The following FRMPD2 variants were observed in gnomAD, a reference collection of about 807,000 sequenced individuals.
FRMPD2 encodes FERM and PDZ domain-containing protein 2.
FRMPD2 carries 96 observed loss-of-function variants against 140.1 expected under a neutral mutation model. The ratio of observed to expected loss-of-function variants is 0.69; its 90% CI spans 0.58 to 0.81. The LOEUF (loss-of-function observed/expected upper bound fraction) is 0.81. Ranked by LOEUF, FRMPD2 falls within the 40% of genes least tolerant of loss-of-function variation. The pLI, the probability that FRMPD2 is intolerant of heterozygous loss-of-function variation, is 0.00. For synonymous variants in FRMPD2, 449 were observed against 547.6 expected (o/e 0.82, Z 2.52); for missense variants, 1,240 against 1,447.4 (o/e 0.86, Z 2.32).
At chr10:48,209,324 C>T (rs1002135048) in intron 13 of FRMPD2, among the ~76,000 whole-genome samples, 2 of 152,168 alleles carry the variant, frequency 1.3e-5, no homozygotes, top group African/African-American at 4.8e-5. Flanking sequence ...GTTAGGAAAA[C>T]ACTGAATTCA....
At chr10:48,268,401 A>G (rs1817387399) in intron 1 of FRMPD2, among the ~76,000 whole-genome samples, 1 of 152,052 alleles carries the variant, frequency 6.6e-6, no homozygotes, top group South Asian at 2.1e-4. Context: ...CACTTATCCC[A>G]GAGGAAAAAA....
chr10:48,181,574 G>T (rs1838548132), intron 20 of FRMPD2, among the ~76,000 whole-genome samples: 1 of 152,166 alleles, frequency 6.6e-6, no homozygotes, highest in South Asian at 2.1e-4. Flanking sequence ...GCAGGCCCCT[G>T]TGAGTGAAAG....
At chr10:48,253,661 C>A (rs1840434113) in intron 1 of FRMPD2, among the ~76,000 whole-genome samples, 1 of 151,974 alleles carries the variant, frequency 6.6e-6, no homozygotes, top group African/African-American at 2.4e-5. Flanking sequence ...AAAAATTGTG[C>A]AAATTTGTTG....
intron 20 of FRMPD2, among the ~76,000 whole-genome samples, chr10:48,183,505 GA>G (rs1409122703): frequency 6.6e-6 from 1 of 152,118 alleles, no homozygotes; most frequent in Non-Finnish European, 1.5e-5. Flanking sequence ...TCTTTAGGTT[GA>G]TCAGGAACAT....
At chr10:48,267,747 C>T (rs888709193) in intron 1 of FRMPD2, among the ~76,000 whole-genome samples, 3 of 152,066 alleles carry the variant, frequency 2.0e-5, no homozygotes, top group African/African-American at 7.2e-5. Flanking sequence ...AACTCAGTGT[C>T]GATCAAGGGA....
intron 15 of FRMPD2, among the ~76,000 whole-genome samples, chr10:48,195,200 C>A (rs1293782637): frequency 1.3e-5 from 2 of 152,242 alleles, no homozygotes; most frequent in Non-Finnish European, 2.9e-5. Context: ...GAGACCAACC[C>A]TGTAGCCCCC....
In FRMPD2 at chr10:48,225,098, G is replaced by A. The variant is rs114424257; in HGVS notation, c.1169-1828C>T. ...AAATAGAGGAACACTGAGATATGAC[G>A]CCTAAGCCAGATGGGCTGGGAGGGA... On this transcript the variant is annotated intron_variant, in intron 10 of 28. Coordinates refer to ENST00000374201, the MANE Select transcript of FRMPD2 (RefSeq NM_001018071.4). 5.0e-3 allele frequency among the ~76,000 whole-genome samples: 756 copies of A among 152,298 alleles called. 4 individuals are homozygous for A. Among genetic ancestry groups the A allele is most frequent in the African/African-American group, 0.017 (712 of 41,566 alleles).
At chr10:48,185,702 A>T in intron 17 of FRMPD2, 57 bp from the exon 18 acceptor site, 1 of 1,308,434 alleles carries the variant, frequency 7.6e-7, no homozygotes, top group Non-Finnish European at 1.1e-6. Context: ...TTTGGGAGCT[A>T]ATACAAAAGG....
intron 4 of FRMPD2, among the ~76,000 whole-genome samples, 178 bp downstream of exon 4, chr10:48,244,606 T>A (rs1840202090): frequency 6.6e-6 from 1 of 152,148 alleles, no homozygotes; most frequent in Non-Finnish European, 1.5e-5. Context: ...GATTCTGAGG[T>A]TGTTTCTGCA....
At chr10:48,243,089 T>C (rs959695445) in intron 4 of FRMPD2, among the ~76,000 whole-genome samples, 2 of 152,220 alleles carry the variant, frequency 1.3e-5, no homozygotes, top group Non-Finnish European at 2.9e-5. Flanking sequence ...CCTATCTCTG[T>C]GTACAGCCAA....
intron 20 of FRMPD2, among the ~76,000 whole-genome samples, chr10:48,182,934 G>A (rs569170035): frequency 2.8e-4 from 43 of 152,308 alleles, no homozygotes; most frequent in African/African-American, 1.0e-3. Context: ...AGTGGTGCTG[G>A]GAAATCCAAC....
At chr10:48,254,643 C>G (rs1399122817) in intron 1 of FRMPD2, among the ~76,000 whole-genome samples, 2 of 152,256 alleles carry the variant, frequency 1.3e-5, no homozygotes, top group Admixed American at 6.5e-5. Context: ...ATAGCATTTA[C>G]TGTACGCCAG....
At position 48,178,105 on chromosome 10, in the gene FRMPD2, C is replaced by T; in HGVS notation, c.2837G>A (p.Gly946Asp). The T allele has an allele frequency of 6.2e-7, 1 of 1,601,032 alleles. No individual in the cohort carries two copies. Among genetic ancestry groups the T allele is most frequent in the Non-Finnish European group, 8.5e-7 (1 of 1,170,190 alleles). ...CPPSPPEISA[G>D]EIYFVELVKE... ...AACCAGTTCCACAAAGTAGATTTCACCAGCACTGATTTCTGGAGGTGATGG... is the reference window on the plus strand; with the variant it reads ...AACCAGTTCCACAAAGTAGATTTCATCAGCACTGATTTCTGGAGGTGATGG... The change falls in exon 22 of 29, where the codon GGT becomes GAT. Residue 946 changes from glycine to aspartate, a missense_variant. Transcript: ENST00000374201.
chr10:48,202,166 T>C (rs1284854701), intron 14 of FRMPD2, among the ~76,000 whole-genome samples: 1 of 152,146 alleles, frequency 6.6e-6, no homozygotes, highest in Non-Finnish European at 1.5e-5. Flanking sequence ...ATAAAATATA[T>C]AGGTGATATT....
At chr10:48,175,699 G>T (rs548201577) in intron 23 of FRMPD2, 147 bp downstream of exon 23, 40 of 676,146 alleles carry the variant, frequency 5.9e-5, no homozygotes, top group African/African-American at 4.4e-4. Context: ...CTTTCCAGGT[G>T]AGAAAAGTAT....
chr10:48,236,398 C>A, intron 9 of FRMPD2, 84 bp downstream of exon 9: 2 of 1,128,550 alleles, frequency 1.8e-6, no homozygotes, highest in Non-Finnish European at 2.7e-6. Flanking sequence ...CCATGTGAGA[C>A]CCCATTCAGA....
upstream of FRMPD2, chr10:48,274,711 A>C (rs1396638577): frequency 5.5e-6 from 4 of 730,284 alleles, no homozygotes; most frequent in East Asian, 1.0e-4. Flanking sequence ...GTCACTAAGC[A>C]CTTGCTGCCC....
chr10:48,223,046 T>C (rs1839642663), intron 11 of FRMPD2, 77 bp downstream of exon 11: 2 of 1,353,930 alleles, frequency 1.5e-6, no homozygotes, highest in Admixed American at 2.1e-5. Context: ...AAAGCACTTG[T>C]CGATCCATTA....
intron 12 of FRMPD2, among the ~76,000 whole-genome samples, chr10:48,215,862 G>T (rs926657751): frequency 3.9e-5 from 6 of 152,156 alleles, no homozygotes; most frequent in Non-Finnish European, 5.9e-5. Context: ...TGGGCCATGG[G>T]GTGCCCAGAT....
Sources: gnomAD v4.1 joint callset for allele counts (sites outside exome capture counted in the v4.1 genomes callset) on GRCh38, gnomAD v4.1.1 for gene constraint, MANE v1.5 for transcripts, NCBI Gene and HGNC (gene_info 2026-07-23, HGNC 2026-07-21) for gene names.